Variants in HLCS observed in about 807,000 individuals in gnomAD.
HLCS encodes the protein biotin--protein ligase.
In HLCS, 53 loss-of-function variants were observed where a neutral mutation model predicts 75.0. The observed-to-expected ratio is 0.71, with a 90% CI of 0.57 to 0.89. The LOEUF is 0.89. Ranked by LOEUF, HLCS falls within the 40% of genes least tolerant of loss-of-function variation. The pLI is 0.00. For missense variants in HLCS, 966 were observed against 1,074.0 expected (o/e 0.90, Z 1.41); for synonymous variants, 431 against 428.6 (o/e 1.01, Z -0.07).
At chr21:36,794,330 G>A (rs1280877126) in intron 6 of HLCS, among the ~76,000 whole-genome samples, 5 of 152,264 alleles carry the variant, frequency 3.3e-5, no homozygotes, top group Non-Finnish European at 7.3e-5. Context: ...GTACAAGGAA[G>A]GACAAAGGAT....
At chr21:36,888,216 C>T (rs943026973) in intron 6 of HLCS, among the ~76,000 whole-genome samples, 3 of 151,712 alleles carry the variant, frequency 2.0e-5, no homozygotes, top group South Asian at 2.1e-4. Context: ...TCTGTCCTCT[C>T]GGGCCTCGAC....
At chr21:36,784,811 A>C (rs2060639310) in intron 6 of HLCS, among the ~76,000 whole-genome samples, 1 of 152,108 alleles carries the variant, frequency 6.6e-6, no homozygotes, top group Admixed American at 6.5e-5. Context: ...GGCCAAGTTC[A>C]TCAGTTCTGT....
chr21:36,800,546 C>T (rs1038688321), intron 6 of HLCS, among the ~76,000 whole-genome samples: 5 of 152,230 alleles, frequency 3.3e-5, no homozygotes, highest in East Asian at 3.9e-4. Flanking sequence ...TTATTAACCC[C>T]GTTGTACCAG....
intron 6 of HLCS, among the ~76,000 whole-genome samples, chr21:36,802,298 C>T (rs951858237): frequency 6.6e-6 from 1 of 152,158 alleles, no homozygotes; most frequent in African/African-American, 2.4e-5. Flanking sequence ...CTGGAAGAAG[C>T]GTACTTCATG....
At chr21:36,805,487 G>A (rs1482655041) in intron 6 of HLCS, among the ~76,000 whole-genome samples, 1 of 152,160 alleles carries the variant, frequency 6.6e-6, no homozygotes, top group Non-Finnish European at 1.5e-5. Flanking sequence ...GATTGAACGT[G>A]GCTGCTAATT....
At chr21:36,831,020 T>C (rs2062189708) in intron 6 of HLCS, among the ~76,000 whole-genome samples, 1 of 152,172 alleles carries the variant, frequency 6.6e-6, no homozygotes, top group African/African-American at 2.4e-5. Flanking sequence ...GGTTTAAATC[T>C]TATCTGCTGA....
intron 6 of HLCS, among the ~76,000 whole-genome samples, chr21:36,856,061 G>C (rs1423284611): frequency 1.3e-5 from 2 of 152,152 alleles, no homozygotes; most frequent in Non-Finnish European, 2.9e-5. Context: ...CAGGGCTGGT[G>C]GGTGGGGGGC....
chr21:36,837,863 C>A (rs561794119), intron 6 of HLCS, among the ~76,000 whole-genome samples: 39 of 152,104 alleles, frequency 2.6e-4, no homozygotes, highest in Admixed American at 1.4e-3. Flanking sequence ...GTTCTTACAG[C>A]GGAGAGGGGA....
At chr21:36,966,420 C>CGGCCGGGCG in intron 1 of HLCS, 24 bp downstream of exon 1, 1 of 441,966 alleles carries the variant, frequency 2.3e-6, no homozygotes, top group Non-Finnish European at 3.0e-6. Context: ...GGGCCCGGGT[C>CGGCCGGGCG]GCCCGCCCGC....
chr21:36,954,598 G>A (rs527926381), intron 2 of HLCS, among the ~76,000 whole-genome samples: 1 of 152,138 alleles, frequency 6.6e-6, no homozygotes, highest in African/African-American at 2.4e-5. Context: ...CTGGGCGACA[G>A]AGCAAGACTC....
intron 5 of HLCS, among the ~76,000 whole-genome samples, chr21:36,906,322 A>AT (rs1270650751): frequency 6.6e-6 from 1 of 151,934 alleles, no homozygotes; most frequent in African/African-American, 2.4e-5. Flanking sequence ...GAGCCCAGGA[A>AT]TTTGACACCA....
At chr21:36,926,741 CTTTTTTTTTTT>C (rs34057978) in intron 5 of HLCS, among the ~76,000 whole-genome samples, 4 of 127,068 alleles carry the variant, frequency 3.1e-5, no homozygotes, top group East Asian at 2.3e-4. Flanking sequence ...GTCTTGTTTC[CTTTTTTTTTTT>C]TTTTTTTTGA....
intron 5 of HLCS, among the ~76,000 whole-genome samples, chr21:36,925,689 C>T (rs974917465): frequency 3.3e-4 from 50 of 152,316 alleles, no homozygotes; most frequent in African/African-American, 1.1e-3. Flanking sequence ...AGGTCCCAGC[C>T]GGTCCTAACC....
chr21:36,840,054 G>T (rs940797958), intron 6 of HLCS, among the ~76,000 whole-genome samples: 3 of 152,140 alleles, frequency 2.0e-5, no homozygotes, highest in Non-Finnish European at 2.9e-5. Context: ...TCATAATAAA[G>T]GTTAAGGATG....
intron 6 of HLCS, among the ~76,000 whole-genome samples, chr21:36,773,107 T>C (rs1004654104): frequency 6.6e-6 from 1 of 152,258 alleles, no homozygotes; most frequent in Non-Finnish European, 1.5e-5. Context: ...TCTCTTATAC[T>C]TTACTGAATT....
intron 6 of HLCS, among the ~76,000 whole-genome samples, chr21:36,810,011 G>A (rs1030848913): frequency 2.5e-4 from 38 of 152,334 alleles, no homozygotes; most frequent in African/African-American, 7.2e-4. Flanking sequence ...CCAAAGTGTC[G>A]GGATTACAGG....
At chr21:36,759,938 C>T (rs2089764627) in intron 8 of HLCS, 97 bp from the exon 9 acceptor site, 1 of 801,436 alleles carries the variant, frequency 1.2e-6, no homozygotes, top group African/African-American at 1.7e-5. Flanking sequence ...ACCAAGGTAA[C>T]ATGGGCCTCG....
chr21:36,767,177 G>A (rs2090067969), intron 7 of HLCS, 41 bp downstream of exon 7: 2 of 1,599,446 alleles, frequency 1.3e-6, no homozygotes, highest in East Asian at 4.5e-5. Context: ...GCAGAGTTTA[G>A]AAAACAGAAG....
intron 6 of HLCS, among the ~76,000 whole-genome samples, chr21:36,873,348 C>A (rs2063839456): frequency 6.6e-6 from 1 of 151,998 alleles, no homozygotes; most frequent in Non-Finnish European, 1.5e-5. Flanking sequence ...GATCTCTTGA[C>A]CTTGTGATCC....
Sources: gnomAD v4.1 joint callset for allele counts (sites outside exome capture counted in the v4.1 genomes callset) on GRCh38, gnomAD v4.1.1 for gene constraint, MANE v1.5 for transcripts, NCBI Gene and HGNC (gene_info 2026-07-23, HGNC 2026-07-21) for gene names.